ARL15: variants seen among roughly 807,000 people sequenced by gnomAD.
The protein encoded by ARL15 is ADP-ribosylation factor-like protein 15.
A neutral mutation model predicts 25.2 loss-of-function variants in ARL15; 19 were observed. The observed-to-expected ratio is 0.75, with a 90% CI of 0.53 to 1.10. The LOEUF is 1.10. ARL15 is among the 50% of genes least tolerant of loss of function. The pLI is 0.00. For missense variants in ARL15, 220 were observed against 246.0 expected (o/e 0.89, Z 0.71); for synonymous variants, 94 against 86.8 (o/e 1.08, Z -0.46).
At chr5:54,253,243 G>A (rs1291860157) in intron 1 of ARL15, among the ~76,000 whole-genome samples, 1 of 152,020 alleles carries the variant, frequency 6.6e-6, no homozygotes, top group East Asian at 1.9e-4. Flanking sequence ...TAGCTCAAGG[G>A]GAGTGATATG....
At chr5:54,211,314 C>T (rs1461312291) in intron 1 of ARL15, among the ~76,000 whole-genome samples, 1 of 152,036 alleles carries the variant, frequency 6.6e-6, no homozygotes, top group Non-Finnish European at 1.5e-5. Flanking sequence ...GCTGTTCTAT[C>T]GGTTCAGGTT....
intron 4 of ARL15, among the ~76,000 whole-genome samples, chr5:54,048,827 G>C (rs1306573338): frequency 1.3e-5 from 2 of 151,794 alleles, no homozygotes; most frequent in Non-Finnish European, 2.9e-5. Context: ...CCGACATTTG[G>C]GGATTACTGG....
intron 4 of ARL15, among the ~76,000 whole-genome samples, chr5:54,060,454 C>T (rs753194718): frequency 7.9e-5 from 12 of 152,130 alleles, no homozygotes; most frequent in Non-Finnish European, 1.8e-4. Flanking sequence ...AAACAAAAAA[C>T]AAATAAAAAA....
At chr5:54,158,984 CATTTTGTCCA>C (rs1182069867) in intron 2 of ARL15, among the ~76,000 whole-genome samples, 1 of 152,166 alleles carries the variant, frequency 6.6e-6, no homozygotes, top group Non-Finnish European at 1.5e-5. Flanking sequence ...GGATTCACAG[CATTTTGTCCA>C]ATTTTGAGCC....
At chr5:54,270,148 A>G (rs1757744106) in intron 1 of ARL15, among the ~76,000 whole-genome samples, 1 of 152,234 alleles carries the variant, frequency 6.6e-6, no homozygotes, top group Non-Finnish European at 1.5e-5. Context: ...TGAATTATCA[A>G]TATTTTTAAA....
At chr5:54,144,663 ATC>A (rs1753857709) in intron 3 of ARL15, among the ~76,000 whole-genome samples, 1 of 152,208 alleles carries the variant, frequency 6.6e-6, no homozygotes, top group Admixed American at 6.5e-5. Context: ...TTGTTTGAGA[ATC>A]TCTGTGTGCC....
At chr5:54,056,168 TA>T (rs1750864636) in intron 4 of ARL15, among the ~76,000 whole-genome samples, 1 of 152,208 alleles carries the variant, frequency 6.6e-6, no homozygotes, top group Non-Finnish European at 1.5e-5. Flanking sequence ...GCAAGTTGCT[TA>T]ATCAGTCTAA....
At chr5:54,307,596 A>G (rs765454811) in intron 1 of ARL15, among the ~76,000 whole-genome samples, 5 of 152,234 alleles carry the variant, frequency 3.3e-5, no homozygotes, top group African/African-American at 1.2e-4. Flanking sequence ...AGCGACCCGA[A>G]GATCAGTAGA....
chr5:53,946,153 G>A (rs1746722180), intron 4 of ARL15, among the ~76,000 whole-genome samples: 2 of 152,116 alleles, frequency 1.3e-5, no homozygotes, highest in African/African-American at 4.8e-5. Flanking sequence ...CAGAACTTTT[G>A]GGCTAAAATG....
At chr5:54,069,612 A>T (rs1430806068) in intron 4 of ARL15, among the ~76,000 whole-genome samples, 2 of 151,182 alleles carry the variant, frequency 1.3e-5, no homozygotes, top group South Asian at 2.1e-4. Context: ...CTTAATCCCA[A>T]ATATAACAGC....
chr5:53,963,585 A>C (rs1423416046), intron 4 of ARL15, among the ~76,000 whole-genome samples: 4 of 152,212 alleles, frequency 2.6e-5, no homozygotes, highest in Non-Finnish European at 5.9e-5. Context: ...AGACGGGTGC[A>C]TCACCTGAGG....
At chr5:53,995,077 G>A (rs957225617) in intron 4 of ARL15, among the ~76,000 whole-genome samples, 12 of 152,040 alleles carry the variant, frequency 7.9e-5, no homozygotes. Context: ...TTGGGAGGCC[G>A]AGGCAGGCAG....
intron 4 of ARL15, among the ~76,000 whole-genome samples, chr5:53,934,120 T>A (rs1746282736): frequency 6.6e-6 from 1 of 152,236 alleles, no homozygotes; most frequent in Admixed American, 6.5e-5. Flanking sequence ...CTATGCTCAG[T>A]ACATGCATAT....
intron 1 of ARL15, among the ~76,000 whole-genome samples, chr5:54,199,916 T>C (rs1297122071): frequency 7.8e-6 from 1 of 127,990 alleles, no homozygotes; most frequent in Admixed American, 8.0e-5. Flanking sequence ...AATGATAGAC[T>C]GGATTAAGAA....
Position 54,139,027 on chromosome 5 carries a change from A to G in ARL15, c.253+15553T>C, listed in dbSNP as rs190961283. On this transcript the variant is annotated intron_variant, in intron 3 of 4. Transcript: ENST00000504924. ...AGTCAAGAAAAATAGATGTTGGTGT[A>G]GATATGGTGAAAAAGGAATGCTTAT... Among the ~76,000 whole-genome samples, 158 of 152,286 alleles carry G rather than the reference A, an allele frequency of 1.0e-3. 1 individual carries two copies. Among genetic ancestry groups the G allele is most frequent in the African/African-American group, 3.5e-3 (145 of 41,564 alleles).
chr5:53,925,231 C>G (rs2112030633), intron 4 of ARL15, among the ~76,000 whole-genome samples: 1 of 150,868 alleles, frequency 6.6e-6, no homozygotes, highest in East Asian at 1.9e-4. Context: ...GTGTCTCACT[C>G]TGTCACCGAC....
At position 54,247,197 on chromosome 5, in the gene ARL15, C is replaced by T. The variant is rs1369522509; in HGVS notation, c.48+63235G>A. Among the ~76,000 whole-genome samples, 3 of 149,988 alleles carry T rather than the reference C, an allele frequency of 2.0e-5. No individual in the cohort carries two copies. In the East Asian group the frequency reaches 5.8e-4, roughly 29 times the overall value. ...TGAATAATTTCCTATTAAAAGTAAC[C>T]TAGAAATTAAGGAGTTAAAGTTTTG... On this transcript the variant is annotated intron_variant, in intron 1 of 4. Transcript: ENST00000504924.
chr5:54,230,358 AAAAAG>A (rs1288489069), intron 1 of ARL15, among the ~76,000 whole-genome samples: 10 of 151,004 alleles, frequency 6.6e-5, no homozygotes, highest in East Asian at 5.8e-4. Flanking sequence ...AAAAAAAAAA[AAAAAG>A]AAAAGAAAAG....
intron 1 of ARL15, among the ~76,000 whole-genome samples, chr5:54,209,179 G>A (rs1330842191): frequency 6.6e-6 from 1 of 152,088 alleles, no homozygotes; most frequent in African/African-American, 2.4e-5. Context: ...AGTAGGGGGA[G>A]GTAAAGATGT....
Sources: allele counts gnomAD v4.1 joint callset (sites outside exome capture counted in the v4.1 genomes callset), GRCh38; gene constraint gnomAD v4.1.1; transcripts MANE v1.5; gene names NCBI Gene and HGNC (gene_info 2026-07-23, HGNC 2026-07-21).